Variants in HMCES observed in about 807,000 individuals in gnomAD.
The protein encoded by HMCES is 5-hydroxymethylcytosine binding, ES cell specific, also known as abasic site processing protein HMCES.
In HMCES, 27 loss-of-function variants were observed where a neutral mutation model predicts 35.1. That is an observed-to-expected ratio of 0.77 (90% CI 0.57 to 1.06). The LOEUF is 1.06. Ranked by LOEUF, HMCES falls within the 50% of genes least tolerant of loss-of-function variation. The pLI is 0.00. For synonymous variants in HMCES, 130 were observed against 154.7 expected (o/e 0.84, Z 1.18); for missense variants, 391 against 430.4 (o/e 0.91, Z 0.81).
chr3:129,297,551 C>T (rs2071109372), intron 4 of HMCES, among the ~76,000 whole-genome samples: 1 of 152,138 alleles, frequency 6.6e-6, no homozygotes, highest in Non-Finnish European at 1.5e-5. Flanking sequence ...CGAGCACTGG[C>T]AAAGTCCAAG....
chr3:129,304,005 A>G (rs573047872), intron 6 of HMCES, among the ~76,000 whole-genome samples: 1 of 152,182 alleles, frequency 6.6e-6, no homozygotes, highest in African/African-American at 2.4e-5. Context: ...TCAGCCTCCC[A>G]AAGTGCTGGG....
intron 6 of HMCES, among the ~76,000 whole-genome samples, chr3:129,304,007 A>C (rs970887578): frequency 1.3e-5 from 2 of 152,066 alleles, no homozygotes; most frequent in Non-Finnish European, 2.9e-5. Context: ...AGCCTCCCAA[A>C]GTGCTGGGAT....
intron 3 of HMCES, 40 bp from the exon 4 acceptor site, chr3:129,290,639 T>C: frequency 1.9e-6 from 3 of 1,591,342 alleles, no homozygotes; most frequent in Non-Finnish European, 2.6e-6. Flanking sequence ...GAAACATGAT[T>C]GTATCACTAA....
At chr3:129,288,787 AATAC>A in intron 2 of HMCES, 63 bp from the exon 3 acceptor site, 1 of 1,134,552 alleles carries the variant, frequency 8.8e-7, no homozygotes, top group South Asian at 2.5e-5. Flanking sequence ...TAATGTAATA[AATAC>A]ATATGTTAAA....
chr3:129,302,092 C>T lies in HMCES; in HGVS notation c.778C>T (p.Arg260Ter), dbSNP rs1560078706. 2.5e-6 allele frequency: 4 copies of T among 1,614,080 alleles called. No individual in the cohort carries two copies. Among genetic ancestry groups the T allele is most frequent in the Non-Finnish European group, 3.4e-6 (4 of 1,179,978 alleles). The part of the protein sequence containing the change: ...HAVSSVVNNS[R>*]NNTPECLAPV... ...AGTCTCTTCTGTGGTGAACAACTCG[C>T]GAAACAACACTCCTGAGTGTCTGGC... is the stretch of plus-strand genomic sequence containing the variant. Residue 260 changes from arginine to a stop codon, truncating the protein, a stop_gained, in exon 6 of 7, where the codon CGA becomes TGA. Transcript: ENST00000383463. LOFTEE classifies it high-confidence loss of function.
chr3:129,297,185 T>C (rs577691427), intron 4 of HMCES, among the ~76,000 whole-genome samples: 1 of 152,240 alleles, frequency 6.6e-6, no homozygotes, highest in South Asian at 2.1e-4. Context: ...AGACATGGTC[T>C]TTCTTGTGCC....
intron 2 of HMCES, among the ~76,000 whole-genome samples, chr3:129,284,801 A>G (rs1158590662): frequency 6.6e-6 from 1 of 152,220 alleles, no homozygotes; most frequent in African/African-American, 2.4e-5. Flanking sequence ...AATCCCAGCT[A>G]CTTGGGAGGC....
At chr3:129,297,583 G>A (rs2071109808) in intron 4 of HMCES, among the ~76,000 whole-genome samples, 1 of 152,138 alleles carries the variant, frequency 6.6e-6, no homozygotes, top group African/African-American at 2.4e-5. Context: ...GTGAGCTGGT[G>A]CAAACTCCTC....
rs577915203 is a variant in HMCES, at chr3:129,288,109, A to G, written c.184-745A>G. ...AGACCTGCCTGAGGAACATAGTAAA[A>G]CCTCATCTCTACAAAATTAGCTGGA... On this transcript the variant is annotated intron_variant, in intron 2 of 6. Coordinates refer to ENST00000383463, the MANE Select transcript of HMCES (RefSeq NM_020187.3). 3.3e-5 allele frequency among the ~76,000 whole-genome samples: 5 copies of G among 151,404 alleles called. No individual in the cohort carries two copies. In the East Asian group the frequency reaches 9.7e-4, roughly 29 times the overall value.
intron 2 of HMCES, among the ~76,000 whole-genome samples, chr3:129,285,643 C>T (rs192320324): frequency 2.0e-5 from 3 of 149,560 alleles, no homozygotes; most frequent in East Asian, 2.0e-4. Context: ...TTAGTAGAGA[C>T]GGGGTTTCAC....
chr3:129,279,964 C>A lies in HMCES; in HGVS notation c.183+49C>A. 1 of 1,460,776 alleles carries A rather than the reference C, an allele frequency of 6.8e-7. No individual in the cohort carries two copies. Among genetic ancestry groups the A allele is most frequent in the South Asian group, 1.4e-5 (1 of 70,868 alleles). 90.5% of individuals were successfully genotyped at this position (1,460,776 alleles called of 1,614,324 possible). Reference sequence around the variant, plus strand: ...GCCCCTCGCCCAGCCTCGTGATGGTCATCTCCTATTTGGTTTGGTGTGTGC... The same window carrying A: ...GCCCCTCGCCCAGCCTCGTGATGGTAATCTCCTATTTGGTTTGGTGTGTGC... On this transcript the variant is annotated intron_variant, in intron 2 of 6. Transcript: ENST00000383463. This position sits in a 1 kb window ranked among gnomAD's most constrained non-coding sequence, Gnocchi z 4.2.
Position 129,304,886 on chromosome 3 carries a change from T to C in HMCES, c.*61T>C. On this transcript the variant is annotated 3_prime_UTR_variant, in exon 7 of 7. Coordinates refer to ENST00000383463, the MANE Select transcript of HMCES (RefSeq NM_020187.3). Reference sequence around the variant, plus strand: ...GCACTGCTGTTCTGATAATAGGTTCTTAACATTGTATGTATATGTGTTTGC... The same window carrying C: ...GCACTGCTGTTCTGATAATAGGTTCCTAACATTGTATGTATATGTGTTTGC... 4 of 1,323,166 alleles carry C rather than the reference T, an allele frequency of 3.0e-6. No homozygotes were observed. The highest frequency in any genetic ancestry group is 2.2e-6 in the Non-Finnish European group (2 of 920,482). 82.0% of individuals were successfully genotyped at this position (1,323,166 alleles called of 1,614,324 possible). A position where few individuals can be genotyped will look rare whatever the true frequency, so the allele number is the denominator to read the frequency against.
At chr3:129,281,560 G>A (rs1007565835) in intron 2 of HMCES, among the ~76,000 whole-genome samples, 3 of 151,476 alleles carry the variant, frequency 2.0e-5, no homozygotes, top group African/African-American at 4.8e-5. Flanking sequence ...GTGTGATGGC[G>A]GGCGCCTGTA....
intron 4 of HMCES, among the ~76,000 whole-genome samples, chr3:129,291,424 A>C (rs1351619312): frequency 6.6e-6 from 1 of 152,204 alleles, no homozygotes; most frequent in Non-Finnish European, 1.5e-5. Flanking sequence ...ACACGAATCT[A>C]CTTTCCATCT....
intron 2 of HMCES, among the ~76,000 whole-genome samples, chr3:129,285,565 C>T (rs1483916105): frequency 6.6e-6 from 1 of 152,058 alleles, no homozygotes; most frequent in African/African-American, 2.4e-5. Flanking sequence ...CATTCTCCTG[C>T]CTCAGCCTTC....
In HMCES at chr3:129,279,617, C is replaced by T; in HGVS notation, c.-23-93C>T. The T allele has an allele frequency of 7.9e-7, 1 of 1,266,806 alleles. No homozygotes were observed. Among genetic ancestry groups the T allele is most frequent in the Non-Finnish European group, 1.1e-6 (1 of 905,904 alleles). The allele number at this position is 1,266,806 out of a possible 1,614,324, so 78.5% of individuals were successfully genotyped here. A position where few individuals can be genotyped will look rare whatever the true frequency, so the allele number is the denominator to read the frequency against. ...GACGGTGGTCACGGAGGGGCACGGCCCTGTGGGAACGGAAAGAGAAGGCGG... is the reference window on the plus strand; with the variant it reads ...GACGGTGGTCACGGAGGGGCACGGCTCTGTGGGAACGGAAAGAGAAGGCGG... On this transcript the variant is annotated intron_variant, in intron 1 of 6. Transcript: ENST00000383463. The surrounding 1 kb of genome is among the most constrained non-coding windows in gnomAD (Gnocchi z 4.2).
chr3:129,304,836 T>G lies in HMCES; in HGVS notation c.*11T>G. The G allele has an allele frequency of 1.2e-6, 2 of 1,605,306 alleles. No individual in the cohort carries two copies. Among genetic ancestry groups the G allele is most frequent in the Non-Finnish European group, 8.5e-7 (1 of 1,172,074 alleles). On this transcript the variant is annotated 3_prime_UTR_variant, in exon 7 of 7. Transcript: ENST00000383463. ...CCTTACAGCCAGTGACACAGGACTT[T>G]CAGAGACCAAGGCCAGGGTCTGCTG...
At chr3:129,288,366 A>G (rs1940695804) in intron 2 of HMCES, among the ~76,000 whole-genome samples, 1 of 152,236 alleles carries the variant, frequency 6.6e-6, no homozygotes, top group East Asian at 1.9e-4. Context: ...TATGATTGCT[A>G]AAGAACTCAA....
At chr3:129,284,853 A>G (rs1940592538) in intron 2 of HMCES, among the ~76,000 whole-genome samples, 1 of 152,228 alleles carries the variant, frequency 6.6e-6, no homozygotes, top group South Asian at 2.1e-4. Context: ...CAGAGGTTGC[A>G]TTGAGCTGAG....
Sources: allele counts gnomAD v4.1 joint callset (sites outside exome capture counted in the v4.1 genomes callset), GRCh38; gene constraint gnomAD v4.1.1; non-coding constraint Gnocchi (gnomAD v3.1); transcripts MANE v1.5; gene names NCBI Gene and HGNC (gene_info 2026-07-23, HGNC 2026-07-21).